LRP1B: variants seen among roughly 807,000 people sequenced by gnomAD.
The protein encoded by LRP1B is low-density lipoprotein receptor-related protein 1B.
A neutral mutation model predicts 556.6 loss-of-function variants in LRP1B; 217 were observed. That is an observed-to-expected ratio of 0.39 (90% CI 0.35 to 0.44). The LOEUF (loss-of-function observed/expected upper bound fraction) is 0.44, where lower values mean the gene tolerates loss of function less well. Among genes scored for constraint, LRP1B ranks in the 20% least tolerant of loss-of-function variants. The pLI is 1.00. For synonymous variants in LRP1B, 2,047 were observed against 1,865.8 expected (o/e 1.10, Z -2.50); for missense variants, 5,053 against 5,620.8 (o/e 0.90, Z 3.23).
At chr2:141,134,639 T>C (rs1701444816) in intron 7 of LRP1B, among the ~76,000 whole-genome samples, 3 of 150,984 alleles carry the variant, frequency 2.0e-5, no homozygotes, top group Admixed American at 6.6e-5. Context: ...CTAAATAAAG[T>C]ACATAGTACA....
At chr2:141,348,824 A>C (rs1688344633) in intron 3 of LRP1B, among the ~76,000 whole-genome samples, 1 of 152,012 alleles carries the variant, frequency 6.6e-6, no homozygotes, top group Admixed American at 6.6e-5. Flanking sequence ...GGTGGGAAGT[A>C]AATGAATCAT....
chr2:141,869,992 A>T (rs1698530917), intron 1 of LRP1B, among the ~76,000 whole-genome samples: 1 of 152,034 alleles, frequency 6.6e-6, no homozygotes, highest in East Asian at 1.9e-4. Flanking sequence ...AAAGGATCAC[A>T]ATTTTTTTCC....
At chr2:141,578,729 C>T (rs1344293870) in intron 2 of LRP1B, among the ~76,000 whole-genome samples, 2 of 152,120 alleles carry the variant, frequency 1.3e-5, no homozygotes, top group African/African-American at 4.8e-5. Flanking sequence ...ACAGCAAGAA[C>T]CAAGTGTACG....
At chr2:141,467,484 A>T (rs1682276901) in intron 3 of LRP1B, among the ~76,000 whole-genome samples, 1 of 152,104 alleles carries the variant, frequency 6.6e-6, no homozygotes, top group Non-Finnish European at 1.5e-5. Flanking sequence ...AAAAATGGTT[A>T]TTAGAATTTC....
At chr2:141,108,795 C>T (rs922789257) in intron 7 of LRP1B, among the ~76,000 whole-genome samples, 2 of 152,102 alleles carry the variant, frequency 1.3e-5, no homozygotes, top group Admixed American at 1.3e-4. Context: ...AATTCCATGA[C>T]CTGACAAGAT....
intron 1 of LRP1B, among the ~76,000 whole-genome samples, chr2:141,878,060 A>G (rs1698826667): frequency 6.6e-6 from 1 of 151,354 alleles, no homozygotes; most frequent in African/African-American, 2.4e-5. Flanking sequence ...TAAACAACTC[A>G]GTTTTGGAAC....
At chr2:141,751,954 C>T (rs867165459) in intron 2 of LRP1B, among the ~76,000 whole-genome samples, 1 of 151,190 alleles carries the variant, frequency 6.6e-6, no homozygotes, top group Admixed American at 6.6e-5. Flanking sequence ...TCTGTTCCAA[C>T]ATTTTCAAAC....
chr2:140,877,117 G>T (rs1693333180), intron 25 of LRP1B, among the ~76,000 whole-genome samples: 1 of 151,186 alleles, frequency 6.6e-6, no homozygotes, highest in Non-Finnish European at 1.5e-5. Flanking sequence ...ACTAAGCTGT[G>T]CTTTTGTAAA....
chr2:140,320,421 T>A (rs1680046314), intron 82 of LRP1B, among the ~76,000 whole-genome samples: 1 of 151,994 alleles, frequency 6.6e-6, no homozygotes, highest in Admixed American at 6.6e-5. Context: ...AAGAGAAAAA[T>A]CATGCAGAGG....
intron 3 of LRP1B, among the ~76,000 whole-genome samples, chr2:141,474,833 CAT>C (rs1274323079): frequency 2.0e-5 from 3 of 152,068 alleles, no homozygotes; most frequent in African/African-American, 4.8e-5. Context: ...GTGAGCTTTT[CAT>C]ATGTCAGAGT....
intron 77 of LRP1B, among the ~76,000 whole-genome samples, chr2:140,349,328 AAAT>A (rs574995808): frequency 2.0e-5 from 3 of 152,240 alleles, no homozygotes; most frequent in East Asian, 3.9e-4. Flanking sequence ...TGTAAATTGC[AAAT>A]AATTTTTAAT....
chr2:140,278,815 C>T (rs13418433), intron 84 of LRP1B, among the ~76,000 whole-genome samples: 6,824 of 152,032 alleles, frequency 0.045, 293 homozygotes, highest in African/African-American at 0.11. Context: ...CATTTCATTT[C>T]TCCCAGTTCT....
chr2:141,925,231 T>G (rs1030076263), intron 1 of LRP1B, among the ~76,000 whole-genome samples: 2 of 152,216 alleles, frequency 1.3e-5, no homozygotes, highest in Non-Finnish European at 2.9e-5. Context: ...GTCACTAAAC[T>G]TGATTGACCA....
At chr2:140,304,868 A>G (rs1415826546) in intron 83 of LRP1B, among the ~76,000 whole-genome samples, 2 of 152,190 alleles carry the variant, frequency 1.3e-5, no homozygotes, top group African/African-American at 2.4e-5. Flanking sequence ...TCCACTTTCA[A>G]CATATGGCTA....
chr2:140,237,126 T>G (rs934233682), intron 89 of LRP1B, among the ~76,000 whole-genome samples: 3 of 150,992 alleles, frequency 2.0e-5, no homozygotes, highest in Non-Finnish European at 4.5e-5. Context: ...ATTCCTCTTA[T>G]CTGACTGTGA....
intron 3 of LRP1B, among the ~76,000 whole-genome samples, chr2:141,475,187 A>T (rs1049335692): frequency 1.1e-4 from 16 of 152,136 alleles, no homozygotes; most frequent in Admixed American, 2.6e-4. Context: ...AGCTTGGCCA[A>T]CATGGTGAAA....
Position 140,532,524 on chromosome 2 carries a change from G to C in LRP1B, c.7762+1497C>G, listed in dbSNP as rs1038309597. ...CGATTCTCCTGCCTCAGCATCCCGAGTAGCTGGGACTACAGGCGAGTGCAA... is the reference window on the plus strand; with the variant it reads ...CGATTCTCCTGCCTCAGCATCCCGACTAGCTGGGACTACAGGCGAGTGCAA... On this transcript the variant is annotated intron_variant, in intron 47 of 90. Coordinates refer to ENST00000389484, the MANE Select transcript of LRP1B (RefSeq NM_018557.3). Among the ~76,000 whole-genome samples the C allele has an allele frequency of 1.1e-4, 17 of 152,154 alleles. No homozygotes were observed. The South Asian group carries it at 1.9e-3, about 17-fold the overall frequency.
chr2:141,043,236 AAACAAAT>A (rs1463597734), intron 11 of LRP1B, among the ~76,000 whole-genome samples: 1 of 72,728 alleles, frequency 1.4e-5, no homozygotes, highest in Admixed American at 1.6e-4. Flanking sequence ...TAAAATAAAT[AAACAAAT>A]AAATAAATAA....
At chr2:141,868,665 G>C (rs10204177) in intron 1 of LRP1B, among the ~76,000 whole-genome samples, 46,184 of 151,986 alleles carry the variant, frequency 0.3, 8,132 homozygotes, top group Middle Eastern at 0.45. Context: ...ATATGTTTTT[G>C]CTACATTAAA....
Sources: allele counts gnomAD v4.1 joint callset (sites outside exome capture counted in the v4.1 genomes callset), GRCh38; gene constraint gnomAD v4.1.1; transcripts MANE v1.5; gene names NCBI Gene and HGNC (gene_info 2026-07-23, HGNC 2026-07-21).